Variants in CCM2 observed in about 807,000 individuals in gnomAD.
CCM2 encodes CCM2 scaffold protein, also known as cerebral cavernous malformations 2 protein.
Under a neutral mutation model 44.9 loss-of-function variants are expected in CCM2, and 25 were observed. The observed-to-expected ratio is 0.56, with a 90% CI of 0.41 to 0.78. The LOEUF is 0.78. Among genes scored for constraint, CCM2 ranks in the 30% least tolerant of loss-of-function variants. The pLI is 0.00. For missense variants in CCM2, 481 were observed against 580.6 expected, an observed-to-expected ratio of 0.83 and a Z score of 1.76; for synonymous variants, 219 against 241.1, an observed-to-expected ratio of 0.91 and a Z score of 0.85.
Position 45,052,409 on chromosome 7 carries a change from G to C in CCM2, c.205-11509G>C, listed in dbSNP as rs1232382072. ...CAGGCTTGGGGTTTTCTTTCTGTCA[G>C]CTGTGTATTGGGAACCCTTTCTGAG... On this transcript the variant is annotated intron_variant, in intron 2 of 9. Coordinates refer to ENST00000258781, the MANE Select transcript of CCM2 (RefSeq NM_031443.4). Among the ~76,000 whole-genome samples, 4 of 152,160 alleles carry C rather than the reference G, an allele frequency of 2.6e-5. No homozygotes were observed. In the South Asian group the frequency reaches 6.2e-4, roughly 24 times the overall value.
chr7:45,060,427 A>G (rs1324030085), intron 2 of CCM2, among the ~76,000 whole-genome samples: 1 of 152,064 alleles, frequency 6.6e-6, no homozygotes, highest in Non-Finnish European at 1.5e-5. Context: ...CTCAGTGTAA[A>G]TTACCTGCTT....
intron 1 of CCM2, among the ~76,000 whole-genome samples, chr7:45,010,242 A>G (rs1444541212): frequency 6.6e-6 from 1 of 152,196 alleles, no homozygotes; most frequent in African/African-American, 2.4e-5. Flanking sequence ...AATATTAGCT[A>G]AATTTTGACA....
chr7:45,051,141 A>G (rs950509622), intron 2 of CCM2, among the ~76,000 whole-genome samples: 1 of 152,144 alleles, frequency 6.6e-6, no homozygotes, highest in South Asian at 2.1e-4. Flanking sequence ...AGTTCATTCT[A>G]TCCAGACTCA....
intron 5 of CCM2, 59 bp from the exon 6 acceptor site, chr7:45,069,767 G>T (rs1381013232): frequency 4.4e-6 from 7 of 1,609,186 alleles, no homozygotes; most frequent in Non-Finnish European, 5.9e-6. Flanking sequence ...CCTGGAAGCC[G>T]CCTGGGAAGG....
At chr7:45,056,080 A>T (rs1798247608) in intron 2 of CCM2, among the ~76,000 whole-genome samples, 1 of 125,500 alleles carries the variant, frequency 8.0e-6, no homozygotes, top group South Asian at 2.6e-4. Context: ...TTATTCATTT[A>T]TCTGTCAATG....
At chr7:45,022,613 T>C (rs906638046) in intron 1 of CCM2, among the ~76,000 whole-genome samples, 1 of 151,230 alleles carries the variant, frequency 6.6e-6, no homozygotes, top group Admixed American at 6.6e-5. Flanking sequence ...GCCTTTTCTT[T>C]AGAGTTTCTG....
chr7:45,074,435 C>T (rs764317578), intron 9 of CCM2, 27 bp downstream of exon 9: 1 of 1,598,696 alleles, frequency 6.3e-7, no homozygotes, highest in Non-Finnish European at 8.6e-7. Flanking sequence ...AAGAGGGTGG[C>T]TTGTCCAAAC....
chr7:45,040,172 C>T (rs1583906536), intron 2 of CCM2, among the ~76,000 whole-genome samples: 1 of 151,206 alleles, frequency 6.6e-6, no homozygotes, highest in Non-Finnish European at 1.5e-5. Flanking sequence ...ATCACGAGGT[C>T]AGGAGATTGA....
At chr7:45,055,155 G>A (rs1482836535) in intron 2 of CCM2, among the ~76,000 whole-genome samples, 4 of 152,154 alleles carry the variant, frequency 2.6e-5, no homozygotes, top group South Asian at 2.1e-4. Context: ...TGGTGATGTC[G>A]TGTCACCCCA....
At chr7:45,021,291 G>A (rs919241099) in intron 1 of CCM2, among the ~76,000 whole-genome samples, 1 of 151,932 alleles carries the variant, frequency 6.6e-6, no homozygotes, top group Middle Eastern at 3.4e-3. Flanking sequence ...AGGCTGGCAC[G>A]GTGGCTCACG....
At chr7:45,067,229 G>A (rs988580800) in intron 4 of CCM2, among the ~76,000 whole-genome samples, 2 of 141,082 alleles carry the variant, frequency 1.4e-5, no homozygotes, top group African/African-American at 5.3e-5. Flanking sequence ...TTTGGTGCTT[G>A]TTGCCCAGGC....
At chr7:45,074,770 G>A (rs1322255954) in intron 9 of CCM2, among the ~76,000 whole-genome samples, 1 of 152,202 alleles carries the variant, frequency 6.6e-6, no homozygotes, top group Non-Finnish European at 1.5e-5. Flanking sequence ...AGAGAGGCAT[G>A]GGTTTTGGTG....
chr7:45,023,473 T>G (rs1158741389), intron 1 of CCM2, among the ~76,000 whole-genome samples: 1 of 152,118 alleles, frequency 6.6e-6, no homozygotes, highest in East Asian at 1.9e-4. Context: ...TCGCTTGAAC[T>G]TGGGAGGTGG....
chr7:45,054,022 T>C (rs1441010937), intron 2 of CCM2, among the ~76,000 whole-genome samples: 1 of 152,124 alleles, frequency 6.6e-6, no homozygotes, highest in East Asian at 1.9e-4. Context: ...TGCTGTGTTA[T>C]AGTACATGCC....
At chr7:45,066,347 A>G (rs749175176) in intron 4 of CCM2, among the ~76,000 whole-genome samples, 3 of 152,066 alleles carry the variant, frequency 2.0e-5, no homozygotes, top group Non-Finnish European at 2.9e-5. Context: ...AAGTCTCTCT[A>G]TGTTGCCCAC....
intron 2 of CCM2, among the ~76,000 whole-genome samples, chr7:45,062,626 A>G (rs1031967331): frequency 6.6e-6 from 1 of 152,140 alleles, no homozygotes; most frequent in African/African-American, 2.4e-5. Context: ...CTTAAGTCCA[A>G]GAGTTCGAGA....
At position 45,023,787 on chromosome 7, in the gene CCM2, G is replaced by GTTTTTTTTTTTTTT. The variant is rs10596429; in HGVS notation, c.31-14441_31-14428dup. Reference sequence around the variant, plus strand: ...TCATTATTTTGATAGCTCTGTATCAGTTTTTTTTTTTTTTTTTTTTTTTTT... The same window carrying GTTTTTTTTTTTTTT: ...TCATTATTTTGATAGCTCTGTATCAGTTTTTTTTTTTTTTTTTTTTTTTTTTTTTTTTTTTTTTT... On this transcript the variant is annotated intron_variant, in intron 1 of 9. Transcript: ENST00000258781. Among the ~76,000 whole-genome samples, 15 of 58,612 alleles carry GTTTTTTTTTTTTTT rather than the reference G, an allele frequency of 2.6e-4. 1 individual carries two copies. Among genetic ancestry groups the GTTTTTTTTTTTTTT allele is most frequent in the Non-Finnish European group, 4.4e-4 (15 of 33,950 alleles). The allele number at this position is 58,612 out of a possible 152,430, so 38.5% of individuals were successfully genotyped here. A position where few individuals can be genotyped will look rare whatever the true frequency, so the allele number is the denominator to read the frequency against.
At chr7:45,031,394 A>AG (rs1211542998) in intron 1 of CCM2, among the ~76,000 whole-genome samples, 13 of 151,612 alleles carry the variant, frequency 8.6e-5, no homozygotes, top group African/African-American at 3.1e-4. Flanking sequence ...AAAAAAAAAA[A>AG]AAAAAAAGAG....
intron 2 of CCM2, among the ~76,000 whole-genome samples, chr7:45,062,234 A>T (rs1232256416): frequency 6.6e-6 from 1 of 152,198 alleles, no homozygotes; most frequent in Non-Finnish European, 1.5e-5. Flanking sequence ...CTTTTTTAAT[A>T]GAGAACTTAA....
Sources: gnomAD v4.1 joint callset for allele counts (sites outside exome capture counted in the v4.1 genomes callset) on GRCh38, gnomAD v4.1.1 for gene constraint, MANE v1.5 for transcripts, NCBI Gene and HGNC (gene_info 2026-07-23, HGNC 2026-07-21) for gene names.